Variants in TRMT11 observed in about 807,000 individuals in gnomAD.
TRMT11 encodes tRNA (guanine(10)-N(2))-methyltransferase TRMT11.
A neutral mutation model predicts 62.8 loss-of-function variants in TRMT11; 53 were observed. That is an observed-to-expected ratio of 0.84 (90% CI 0.68 to 1.06). The LOEUF (loss-of-function observed/expected upper bound fraction) is 1.06. TRMT11 is among the 50% of genes least tolerant of loss of function. The pLI is 0.00. For synonymous variants in TRMT11, 188 were observed against 190.3 expected, an observed-to-expected ratio of 0.99 and a Z score of 0.10; for missense variants, 556 against 553.4, an observed-to-expected ratio of 1.00 and a Z score of -0.05.
At chr6:126,023,215 A>C (rs1029789098) in intron 12 of TRMT11, among the ~76,000 whole-genome samples, 4 of 152,208 alleles carry the variant, frequency 2.6e-5, no homozygotes, top group African/African-American at 9.6e-5. Context: ...ATAGTTTCCA[A>C]ATTGTTTGGC....
the TRMT11 span, among the ~76,000 whole-genome samples, chr6:126,262,040 G>A: frequency 6.6e-6 from 1 of 152,214 alleles, no homozygotes; most frequent in Non-Finnish European, 1.5e-5. Context: ...TGCCTGTAGA[G>A]GCAGCATTGC....
chr6:126,255,108 T>A, the TRMT11 span, among the ~76,000 whole-genome samples: 1 of 152,210 alleles, frequency 6.6e-6, no homozygotes, highest in South Asian at 2.1e-4. Context: ...GGTGTTCTGA[T>A]TACTTCCCAA....
intron 12 of TRMT11, among the ~76,000 whole-genome samples, chr6:126,037,578 A>G (rs1254304990): frequency 6.6e-6 from 1 of 152,002 alleles, no homozygotes; most frequent in African/African-American, 2.4e-5. Context: ...TCTTTGATGA[A>G]TCAGGAAATC....
chr6:126,120,918 A>T (rs1777642879), intron 21 of TRMT11, among the ~76,000 whole-genome samples: 1 of 152,116 alleles, frequency 6.6e-6, no homozygotes, highest in Non-Finnish European at 1.5e-5. Context: ...TGTTTCAGAT[A>T]TATCTGAAGA....
chr6:126,203,770 T>C (rs1185301576), downstream of TRMT11, among the ~76,000 whole-genome samples: 1 of 152,202 alleles, frequency 6.6e-6, no homozygotes, highest in Admixed American at 6.5e-5. Flanking sequence ...GCCATTAAAA[T>C]GACATTTTAG....
At position 126,039,168 on chromosome 6, in the gene TRMT11, G is replaced by A. The variant is rs894081611; in HGVS notation, c.*332G>A. The A allele has an allele frequency of 1.8e-5, 3 of 163,164 alleles. No individual in the cohort carries two copies. Among genetic ancestry groups the A allele is most frequent in the African/African-American group, 7.2e-5 (3 of 41,936 alleles). 10.1% of individuals were successfully genotyped at this position (163,164 alleles called of 1,614,324 possible). ...AAAACATCTGCTGGATATATTATAT[G>A]CAATTAATAGTAGTTAAGAATTTAT... On this transcript the variant is annotated 3_prime_UTR_variant, in exon 13 of 13. Coordinates refer to ENST00000334379, the MANE Select transcript of TRMT11 (RefSeq NM_001031712.3).
chr6:126,255,232 C>G, the TRMT11 span, among the ~76,000 whole-genome samples: 1 of 152,120 alleles, frequency 6.6e-6, no homozygotes, highest in African/African-American at 2.4e-5. Flanking sequence ...TCAATAATAT[C>G]TATACCTTTT....
Position 126,026,588 on chromosome 6 carries a change from T to C in TRMT11, c.1260+5308T>C, listed in dbSNP as rs1202352813. Among the ~76,000 whole-genome samples the C allele has an allele frequency of 3.3e-5, 5 of 152,028 alleles. No individual in the cohort carries two copies. In the East Asian group the frequency reaches 7.8e-4, roughly 24 times the overall value. ...TTTTAGTAGAGACGGGGTTTCACCA[T>C]GTTGGCCAGGATGGTCTCGATCTCC... is the stretch of plus-strand genomic sequence containing the variant. On this transcript the variant is annotated intron_variant, in intron 12 of 12. Coordinates refer to ENST00000334379, the MANE Select transcript of TRMT11 (RefSeq NM_001031712.3).
intron 12 of TRMT11, among the ~76,000 whole-genome samples, chr6:126,025,719 T>C (rs985612302): frequency 6.6e-6 from 1 of 152,230 alleles, no homozygotes; most frequent in Non-Finnish European, 1.5e-5. Flanking sequence ...CAAATTATTC[T>C]TGGGCTTGTT....
At chr6:125,998,197 A>C (rs1382929325) in intron 4 of TRMT11, 26 bp from the exon 5 acceptor site, 2 of 1,597,410 alleles carry the variant, frequency 1.3e-6, no homozygotes, top group Admixed American at 3.3e-5. Context: ...TAAAATACTC[A>C]AAAAACTGAT....
intron 21 of TRMT11, among the ~76,000 whole-genome samples, chr6:126,128,199 A>G (rs9491563): frequency 0.56 from 84,645 of 151,868 alleles, 25,134 homozygotes; most frequent in African/African-American, 0.73. Context: ...TAATCATTGG[A>G]GTGAATTAAG....
At chr6:126,110,587 A>G (rs901750292) in intron 17 of TRMT11, among the ~76,000 whole-genome samples, 1 of 152,168 alleles carries the variant, frequency 6.6e-6, no homozygotes, top group Non-Finnish European at 1.5e-5. Flanking sequence ...TCTGGATACC[A>G]TAGCAATAGC....
chr6:126,252,022 C>T, the TRMT11 span, among the ~76,000 whole-genome samples: 1 of 152,172 alleles, frequency 6.6e-6, no homozygotes, highest in African/African-American at 2.4e-5. Context: ...GCTAATAATG[C>T]TTCTTCTGTC....
At chr6:126,106,930 C>T (rs1234148049) in intron 17 of TRMT11, among the ~76,000 whole-genome samples, 5 of 135,778 alleles carry the variant, frequency 3.7e-5, no homozygotes, top group African/African-American at 1.6e-4. Context: ...AGTGACCTCT[C>T]TCTCTCAAAA....
At chr6:126,046,969 G>A (rs1290988097) in intron 16 of TRMT11, among the ~76,000 whole-genome samples, 3 of 152,112 alleles carry the variant, frequency 2.0e-5, no homozygotes. Context: ...TTGAGCTATA[G>A]AATATCCTGT....
the TRMT11 span, among the ~76,000 whole-genome samples, chr6:126,245,351 C>G: frequency 6.6e-6 from 1 of 152,152 alleles, no homozygotes; most frequent in African/African-American, 2.4e-5. Flanking sequence ...ATGGGAGAAA[C>G]TTGTCTAATT....
chr6:126,210,723 A>G, the TRMT11 span, among the ~76,000 whole-genome samples: 1 of 152,208 alleles, frequency 6.6e-6, no homozygotes, highest in Non-Finnish European at 1.5e-5. Context: ...CAATGTGTTC[A>G]AATCAAACTT....
chr6:126,070,431 C>G (rs1346722994), intron 17 of TRMT11, among the ~76,000 whole-genome samples: 6 of 152,194 alleles, frequency 3.9e-5, no homozygotes, highest in Admixed American at 3.9e-4. Context: ...AAATGACTCT[C>G]AGATTTTACA....
At chr6:126,038,669 A>G in intron 12 of TRMT11, 36 bp from the exon 13 acceptor site, 1 of 1,531,826 alleles carries the variant, frequency 6.5e-7, no homozygotes, top group Non-Finnish European at 8.7e-7. Flanking sequence ...TAACTAAAGA[A>G]ATAATTTTTA....
Sources: allele counts gnomAD v4.1 joint callset (sites outside exome capture counted in the v4.1 genomes callset), GRCh38; gene constraint gnomAD v4.1.1; transcripts MANE v1.5; gene names NCBI Gene and HGNC (gene_info 2026-07-23, HGNC 2026-07-21).